Variants in DLG2 observed in about 807,000 individuals in gnomAD.
DLG2 encodes discs large MAGUK scaffold protein 2.
Under a neutral mutation model 132.5 loss-of-function variants are expected in DLG2, and 45 were observed. The observed-to-expected ratio is 0.34, with a 90% CI of 0.27 to 0.44. The LOEUF is 0.44. Among genes scored for constraint, DLG2 ranks in the 20% least tolerant of loss-of-function variants. The pLI, the probability that DLG2 is intolerant of heterozygous loss-of-function variation, is 1.00. For synonymous variants in DLG2, 424 were observed against 419.6 expected (o/e 1.01, Z -0.13); for missense variants, 1,045 against 1,196.9 (o/e 0.87, Z 1.87).
intron 25 of DLG2, among the ~76,000 whole-genome samples, chr11:83,468,677 A>ACC (rs2091556991): frequency 6.6e-6 from 1 of 152,090 alleles, no homozygotes; most frequent in Non-Finnish European, 1.5e-5. Context: ...TTCCTATGGT[A>ACC]CCCTCTCTTG....
chr11:84,644,438 G>A (rs934334369), intron 6 of DLG2, among the ~76,000 whole-genome samples: 3 of 152,138 alleles, frequency 2.0e-5, no homozygotes, highest in Non-Finnish European at 4.4e-5. Context: ...CGGGCGCGGT[G>A]GCTCACACCT....
chr11:83,734,576 G>A (rs768286951), intron 18 of DLG2, among the ~76,000 whole-genome samples: 4 of 151,796 alleles, frequency 2.6e-5, no homozygotes, highest in Non-Finnish European at 4.4e-5. Context: ...TCAGCCTCCC[G>A]AGTAGCTGGG....
intron 3 of DLG2, among the ~76,000 whole-genome samples, chr11:85,315,444 A>G (rs1795289551): frequency 6.6e-6 from 1 of 152,032 alleles, no homozygotes; most frequent in African/African-American, 2.4e-5. Context: ...AGTTCTGCTA[A>G]CAAGTCCTCT....
intron 6 of DLG2, among the ~76,000 whole-genome samples, chr11:84,760,726 T>C (rs2067503137): frequency 6.6e-6 from 1 of 152,148 alleles, no homozygotes; most frequent in Admixed American, 6.5e-5. Flanking sequence ...CTGTATATAC[T>C]AATATGAACA....
chr11:84,156,603 T>C (rs1184124140), intron 9 of DLG2, among the ~76,000 whole-genome samples: 1 of 152,226 alleles, frequency 6.6e-6, no homozygotes, highest in Non-Finnish European at 1.5e-5. Context: ...GGGATTCTTT[T>C]TGCAACTAAT....
chr11:85,291,003 G>A lies in DLG2; in HGVS notation c.41-5638C>T, dbSNP rs868354705. Among the ~76,000 whole-genome samples the A allele has an allele frequency of 3.3e-5, 5 of 152,178 alleles. No individual in the cohort carries two copies. In the South Asian group the frequency reaches 1.0e-3, roughly 32 times the overall value. Reference sequence around the variant, plus strand: ...CCTAACATGACATACCTATTTCAATGATGCTACTATTTCCTCAAAAGACAC... The same window carrying A: ...CCTAACATGACATACCTATTTCAATAATGCTACTATTTCCTCAAAAGACAC... On this transcript the variant is annotated intron_variant, in intron 3 of 27. Transcript: ENST00000376104.
chr11:85,487,752 A>G (rs2153100795), intron 3 of DLG2, among the ~76,000 whole-genome samples: 1 of 152,332 alleles, frequency 6.6e-6, no homozygotes, highest in African/African-American at 2.4e-5. Context: ...TAGAAAAAAT[A>G]ATAGATGAAA....
intron 6 of DLG2, among the ~76,000 whole-genome samples, chr11:84,802,639 C>CA (rs1295934007): frequency 0.24 from 21,086 of 87,798 alleles, 1,801 homozygotes; most frequent in Middle Eastern, 0.3. Flanking sequence ...AACAAGTCAG[C>CA]AAAAAAAAAA....
intron 4 of DLG2, among the ~76,000 whole-genome samples, chr11:85,171,186 G>A (rs1166841430): frequency 1.3e-5 from 2 of 152,090 alleles, no homozygotes; most frequent in Non-Finnish European, 2.9e-5. Context: ...AACAGGAAGC[G>A]AATTCTGTAC....
intron 15 of DLG2, among the ~76,000 whole-genome samples, chr11:83,888,471 A>T (rs1345503907): frequency 6.6e-6 from 1 of 152,170 alleles, no homozygotes; most frequent in Non-Finnish European, 1.5e-5. Context: ...AAATGGAAGA[A>T]CATTCCATGC....
At chr11:84,744,995 G>A (rs188294103) in intron 6 of DLG2, among the ~76,000 whole-genome samples, 41 of 146,652 alleles carry the variant, frequency 2.8e-4, no homozygotes, top group Admixed American at 2.3e-3. Flanking sequence ...AAGATTTCTC[G>A]CACCAAGCAC....
chr11:84,823,581 CCACACA>C (rs60714512), intron 6 of DLG2, among the ~76,000 whole-genome samples: 17,201 of 134,326 alleles, frequency 0.13, 1,595 homozygotes, highest in African/African-American at 0.26. Context: ...GGTTGTATAT[CCACACA>C]CACACACACA....
intron 4 of DLG2, among the ~76,000 whole-genome samples, chr11:85,250,088 G>A (rs1363233951): frequency 6.6e-6 from 1 of 152,164 alleles, no homozygotes; most frequent in Non-Finnish European, 1.5e-5. Flanking sequence ...CCAAAGGAGG[G>A]AGTGATTGTG....
Position 85,534,881 on chromosome 11 carries a change from C to T in DLG2, c.40+63776G>A, listed in dbSNP as rs555686533. ...ATAATGGGATTGCTGCGTTGGATGG[C>T]GATTCTATTTTCAGTTCTTTCAGAA... On this transcript the variant is annotated intron_variant, in intron 3 of 27. Transcript: ENST00000376104. Among the ~76,000 whole-genome samples, 16 of 152,246 alleles carry T rather than the reference C, an allele frequency of 1.1e-4. 1 individual carries two copies. The highest frequency in any genetic ancestry group is 2.6e-4 in the African/African-American group (11 of 41,522).
At chr11:84,818,943 T>TCAC (rs2077365392) in intron 6 of DLG2, among the ~76,000 whole-genome samples, 1 of 151,898 alleles carries the variant, frequency 6.6e-6, no homozygotes, top group African/African-American at 2.4e-5. Flanking sequence ...ATTATCATCA[T>TCAC]TGCTGAGATC....
At chr11:83,616,681 A>C (rs2060865902) in intron 19 of DLG2, among the ~76,000 whole-genome samples, 1 of 152,084 alleles carries the variant, frequency 6.6e-6, no homozygotes, top group Admixed American at 6.5e-5. Context: ...TTCCTTTGTG[A>C]TTAGTATGCT....
intron 3 of DLG2, among the ~76,000 whole-genome samples, chr11:85,392,869 A>C (rs1206351563): frequency 6.6e-6 from 1 of 152,186 alleles, no homozygotes; most frequent in Non-Finnish European, 1.5e-5. Context: ...AAACCACAAA[A>C]ATTCTAGAAG....
intron 7 of DLG2, among the ~76,000 whole-genome samples, chr11:84,400,765 CT>C (rs2098826576): frequency 6.6e-6 from 1 of 151,934 alleles, no homozygotes; most frequent in African/African-American, 2.4e-5. Flanking sequence ...TTAGACATTG[CT>C]TTTTTTGTAT....
At chr11:85,524,073 A>G (rs1189248353) in intron 3 of DLG2, among the ~76,000 whole-genome samples, 1 of 152,198 alleles carries the variant, frequency 6.6e-6, no homozygotes, top group Non-Finnish European at 1.5e-5. Flanking sequence ...AACAATGGTT[A>G]CCAGAAGCTG....
Sources: gnomAD v4.1 joint callset for allele counts (sites outside exome capture counted in the v4.1 genomes callset) on GRCh38, gnomAD v4.1.1 for gene constraint, MANE v1.5 for transcripts, NCBI Gene and HGNC (gene_info 2026-07-23, HGNC 2026-07-21) for gene names.